Variants in EFCAB10 observed in about 807,000 individuals in gnomAD.
The protein encoded by EFCAB10 is EF-hand calcium-binding domain-containing protein 10.
A neutral mutation model predicts 7.7 loss-of-function variants in EFCAB10; 7 were observed. The ratio of observed to expected loss-of-function variants is 0.91; its 90% confidence interval spans 0.52 to 1.72. EFCAB10 has a LOEUF of 1.72. EFCAB10 is among the 40% of genes most tolerant of loss of function. EFCAB10 has a pLI of 0.00. For synonymous variants in EFCAB10, 52 were observed against 21.0 expected (o/e 2.47, Z -4.03); for missense variants, 112 against 61.5 (o/e 1.82, Z -2.74).
chr7:105,581,210 CTTTTAT>C (rs2115596215), intron 1 of EFCAB10, 142 bp downstream of exon 1: 1 of 598,794 alleles, frequency 1.7e-6, no homozygotes, highest in Admixed American at 2.8e-5. Flanking sequence ...GCCTGAGGGA[CTTTTAT>C]TGAAGGCCGC....
intron 4 of EFCAB10, chr7:105,566,565 G>C (rs1329816624): frequency 2.6e-5 from 4 of 152,016 alleles, no homozygotes; most frequent in African/African-American, 9.7e-5. Flanking sequence ...CTAGCTACTT[G>C]AGAGGCTGAG....
At chr7:105,574,934 TA>T (rs1209254689) in intron 1 of EFCAB10, among the ~76,000 whole-genome samples, 1,812 of 103,558 alleles carry the variant, frequency 0.017, 16 homozygotes, top group East Asian at 0.07. Context: ...TATCCCTACT[TA>T]AAAAAAAAAA....
chr7:105,569,193 ATAAACT>A lies in EFCAB10; in HGVS notation c.359+4_359+9del, dbSNP rs955261117. On this transcript the variant is annotated splice_donor_5th_base_variant and intron_variant, in intron 3 of 4. Transcript: ENST00000480514. ...TTATTAAAATATTTGTCACTTAAAAATAAACTTACACTTCCTCCTTGAATTTATCCA... is the reference window on the plus strand; with the variant it reads ...TTATTAAAATATTTGTCACTTAAAAATACACTTCCTCCTTGAATTTATCCA... The A allele has an allele frequency of 8.6e-6, 6 of 699,860 alleles. No homozygotes were observed. The highest frequency in any genetic ancestry group is 2.7e-5 in the East Asian group (1 of 37,268). 43.4% of individuals were successfully genotyped at this position (699,860 alleles called of 1,614,324 possible).
intron 1 of EFCAB10, chr7:105,571,821 T>C (rs1201787196): frequency 2.1e-5 from 1 of 48,352 alleles, no homozygotes; most frequent in African/African-American, 6.8e-5. Context: ...ACTTTTTTGT[T>C]TCCTGATCTT....
intron 3 of EFCAB10, among the ~76,000 whole-genome samples, chr7:105,568,692 G>A (rs1269259390): frequency 1.3e-5 from 2 of 152,218 alleles, no homozygotes; most frequent in African/African-American, 2.4e-5. Flanking sequence ...TTACATGCCT[G>A]TAATCCCAGC....
At chr7:105,570,518 A>G (rs908409623) in intron 1 of EFCAB10, among the ~76,000 whole-genome samples, 1 of 151,856 alleles carries the variant, frequency 6.6e-6, no homozygotes, top group African/African-American at 2.4e-5. Context: ...TTTGGATGGT[A>G]TATACCACTC....
In EFCAB10 at chr7:105,579,422, T is replaced by C. The variant is rs1000483997; in HGVS notation, c.106+1936A>G. On this transcript the variant is annotated intron_variant, in intron 1 of 4. Coordinates refer to ENST00000480514, the MANE Select transcript of EFCAB10 (RefSeq NM_001355526.2). ...TGCAAATGTAATGAGAGGACAGCTG[T>C]ACTGTGGCAAAAGAGGGTATGGATG... Among the ~76,000 whole-genome samples, 11 of 152,160 alleles carry C rather than the reference T, an allele frequency of 7.2e-5. No homozygotes were observed. The South Asian group carries it at 1.0e-3, about 14-fold the overall frequency.
chr7:105,568,311 G>A (rs1278452396), intron 3 of EFCAB10, among the ~76,000 whole-genome samples: 2 of 152,142 alleles, frequency 1.3e-5, no homozygotes, highest in Admixed American at 1.3e-4. Context: ...AAATCTCAGA[G>A]TAAAACTCTT....
intron 1 of EFCAB10, among the ~76,000 whole-genome samples, chr7:105,578,546 G>GCGAGCACAAACATTAACAT (rs1729942251): frequency 6.6e-6 from 1 of 152,078 alleles, no homozygotes; most frequent in East Asian, 1.9e-4. Flanking sequence ...AACATTAACA[G>GCGAGCACAAACATTAACAT]CAACCACAAC....
chr7:105,571,457 A>G (rs931815878), intron 1 of EFCAB10: 2 of 152,224 alleles, frequency 1.3e-5, no homozygotes, highest in Non-Finnish European at 2.9e-5. Context: ...GTATCATCCC[A>G]AAGACAAACC....
At chr7:105,569,605 G>A (rs533836811) in intron 1 of EFCAB10, 34 bp from the exon 2 acceptor site, 23 of 676,864 alleles carry the variant, frequency 3.4e-5, no homozygotes, top group South Asian at 1.6e-4. Context: ...TTTCTGATAC[G>A]AAATTAAAAT....
chr7:105,565,530 A>T, intron 4 of EFCAB10, 83 bp from the exon 5 acceptor site: 1 of 1,613,006 alleles, frequency 6.2e-7, no homozygotes, highest in Non-Finnish European at 8.5e-7. Context: ...TTTGTTTCAG[A>T]TAATTCTTGC....
chr7:105,581,276 G>A (rs188740231), intron 1 of EFCAB10, 82 bp downstream of exon 1: 27 of 671,060 alleles, frequency 4.0e-5, no homozygotes, highest in East Asian at 3.3e-4. Context: ...GCAGTGGAAA[G>A]CGAATGTGTA....
intron 1 of EFCAB10, among the ~76,000 whole-genome samples, chr7:105,570,869 C>G (rs1363841441): frequency 1.3e-5 from 2 of 151,978 alleles, no homozygotes; most frequent in African/African-American, 4.8e-5. Flanking sequence ...ACTAAAAATA[C>G]AAAAACTTAG....
chr7:105,574,505 G>A (rs1792026682), intron 1 of EFCAB10, among the ~76,000 whole-genome samples: 1 of 150,572 alleles, frequency 6.6e-6, no homozygotes, highest in Non-Finnish European at 1.5e-5. Context: ...TTTTTTTTGA[G>A]ACGGAATCTC....
chr7:105,572,261 C>G (rs1381881641), intron 1 of EFCAB10: 3 of 152,150 alleles, frequency 2.0e-5, no homozygotes, highest in Non-Finnish European at 2.9e-5. Flanking sequence ...ATGAGTTTGA[C>G]TTTTTCAGAT....
At chr7:105,580,601 A>C (rs987631385) in intron 1 of EFCAB10, among the ~76,000 whole-genome samples, 2 of 151,980 alleles carry the variant, frequency 1.3e-5, no homozygotes, top group African/African-American at 4.8e-5. Flanking sequence ...AACAACTAGC[A>C]AGAACTCTGT....
At chr7:105,566,613 C>T (rs1022257905) in intron 4 of EFCAB10, 2 of 151,562 alleles carry the variant, frequency 1.3e-5, no homozygotes, top group African/African-American at 4.9e-5. Flanking sequence ...TCACTCCAGC[C>T]TAGGTGACAG....
chr7:105,568,948 T>A, intron 3 of EFCAB10, among the ~76,000 whole-genome samples: 1 of 120,760 alleles, frequency 8.3e-6, no homozygotes. Context: ...AGACTCCATC[T>A]CAGGGAAAAA....
Sources: allele counts gnomAD v4.1 joint callset (sites outside exome capture counted in the v4.1 genomes callset), GRCh38; gene constraint gnomAD v4.1.1; transcripts MANE v1.5; gene names NCBI Gene and HGNC (gene_info 2026-07-23, HGNC 2026-07-21).